Variants in MCMDC2 observed in about 807,000 individuals in gnomAD.
MCMDC2 encodes the protein minichromosome maintenance domain containing 2, also known as minichromosome maintenance domain-containing protein 2.
In MCMDC2, 54 loss-of-function variants were observed where a neutral mutation model predicts 75.8. The observed-to-expected ratio is 0.71, with a 90% CI of 0.57 to 0.89. The LOEUF is 0.89. Among genes scored for constraint, MCMDC2 ranks in the 40% least tolerant of loss-of-function variants. The pLI is 0.00. For missense variants in MCMDC2, 656 were observed against 780.4 expected, an observed-to-expected ratio of 0.84 and a Z score of 1.90; for synonymous variants, 249 against 274.6, an observed-to-expected ratio of 0.91 and a Z score of 0.92.
In MCMDC2 at chr8:66,891,222, CAG is replaced by C. The variant is rs1231326716; in HGVS notation, c.1279+154_1279+155del. ...TCTTATTTTGGTTTTATAAGCTAAA[CAG>C]AAATTTAATGTGCAAATGCCCAGTT... On this transcript the variant is annotated intron_variant, in intron 10 of 14. Coordinates refer to ENST00000422365, the MANE Select transcript of MCMDC2 (RefSeq NM_173518.5). The C allele has an allele frequency of 5.5e-6, 4 of 723,796 alleles. No individual in the cohort carries two copies. The Admixed American group carries it at 1.1e-4, about 20-fold the overall frequency. 44.8% of individuals were successfully genotyped at this position (723,796 alleles called of 1,614,324 possible).
downstream of MCMDC2, chr8:66,926,377 C>T (rs78142639): frequency 0.02 from 2,978 of 152,186 alleles, 97 homozygotes; most frequent in African/African-American, 0.067. Flanking sequence ...AATCTACTCA[C>T]TTAAAGATAG....
At chr8:66,897,069 T>C (rs1812389948) in intron 12 of MCMDC2, 110 bp downstream of exon 12, 1 of 1,048,802 alleles carries the variant, frequency 9.5e-7, no homozygotes, top group African/African-American at 1.7e-5. Context: ...TTTTATTCCA[T>C]CTTGGTTCCA....
In MCMDC2 at chr8:66,919,015, T is replaced by G. The variant is rs1376689809; in HGVS notation, c.1892T>G (p.Phe631Cys). ...CTTCTTCATTTAGGGGCCACTGTAT[T>G]TTGTGTTGCTCCGAATGCAGTATTT... ...SLTLKYGATV[F>C]CVAPNAVFPF... Residue 631 changes from phenylalanine to cysteine, a missense_variant, in exon 15 of 15, where the codon TTT becomes TGT. Coordinates refer to ENST00000422365, the MANE Select transcript of MCMDC2 (RefSeq NM_173518.5). 1.3e-6 allele frequency: 2 copies of G among 1,526,980 alleles called. No homozygotes were observed. Among genetic ancestry groups the G allele is most frequent in the South Asian group, 1.3e-5 (1 of 79,320 alleles). 94.6% of individuals were successfully genotyped at this position (1,526,980 alleles called of 1,614,324 possible).
chr8:66,901,706 A>AG (rs1812668584), intron 13 of MCMDC2: 1 of 862,204 alleles, frequency 1.2e-6, no homozygotes, highest in Admixed American at 5.9e-5. Flanking sequence ...CCGAGAGGGC[A>AG]GATTGCCTGA....
chr8:66,924,980 G>A (rs1223203355), downstream of MCMDC2, among the ~76,000 whole-genome samples: 1 of 152,158 alleles, frequency 6.6e-6, no homozygotes, highest in Non-Finnish European at 1.5e-5. Context: ...ACACCTAAGG[G>A]ATAATCACCT....
At chr8:66,881,568 C>G (rs926824536) in intron 8 of MCMDC2, among the ~76,000 whole-genome samples, 1 of 152,190 alleles carries the variant, frequency 6.6e-6, no homozygotes, top group African/African-American at 2.4e-5. Flanking sequence ...TGCCTGTAAT[C>G]CCAGCTACTT....
At chr8:66,924,356 G>GT (rs575287371), downstream of MCMDC2, among the ~76,000 whole-genome samples, 40 of 152,122 alleles carry the variant, frequency 2.6e-4, no homozygotes, top group East Asian at 6.6e-3. Context: ...GCCGGGCGCG[G>GT]TAACTCACGC....
downstream of MCMDC2, among the ~76,000 whole-genome samples, chr8:66,924,701 T>C (rs1813667494): frequency 6.6e-6 from 1 of 152,012 alleles, no homozygotes; most frequent in African/African-American, 2.4e-5. Flanking sequence ...GCTGACCGGT[T>C]TCTTCTGTAT....
In MCMDC2 at chr8:66,877,514, T is replaced by A; in HGVS notation, c.451T>A (p.Cys151Ser). 1 of 1,605,268 alleles carries A rather than the reference T, an allele frequency of 6.2e-7. No homozygotes were observed. The highest frequency in any genetic ancestry group is 8.5e-7 in the Non-Finnish European group (1 of 1,177,758). ...TKYTQGARFLCSDEACPLSKG... is the reference protein window; with the variant it reads ...TKYTQGARFLSSDEACPLSKG... ...GTATACACAAGGGGCAAGATTTCTT[T>A]GTTCAGATGAAGCATGCCCTCTTTC... Residue 151 changes from cysteine to serine, a missense_variant, in exon 5 of 15, where the codon TGT (cysteine) becomes AGT (serine). Physicochemically the swap from Cys to Ser is moderately radical, Grantham distance 112. Coordinates refer to ENST00000422365, the MANE Select transcript of MCMDC2 (RefSeq NM_173518.5).
intron 10 of MCMDC2, among the ~76,000 whole-genome samples, 196 bp from the exon 11 acceptor site, chr8:66,895,974 A>G (rs536234038): frequency 2.0e-5 from 3 of 152,296 alleles, no homozygotes; most frequent in Non-Finnish European, 4.4e-5. Flanking sequence ...TCATCAAGTC[A>G]TGGGACACAT....
Position 66,881,404 on chromosome 8 carries a change from C to G in MCMDC2, c.835+430C>G, listed in dbSNP as rs1293761732. ...AAGGAGAGCTCAATAAAGTAGCATC[C>G]TTGGCTGGGCGCTGTGGCTCACGCC... On this transcript the variant is annotated intron_variant, in intron 8 of 14. Coordinates refer to ENST00000422365, the MANE Select transcript of MCMDC2 (RefSeq NM_173518.5). Among the ~76,000 whole-genome samples the G allele has an allele frequency of 3.3e-5, 5 of 152,164 alleles. No individual in the cohort carries two copies. In the East Asian group the frequency reaches 9.6e-4, roughly 29 times the overall value.
In MCMDC2 at chr8:66,919,380, A is replaced by AACTT. The variant is rs1171582937; in HGVS notation, c.*213_*216dup. 5.7e-6 allele frequency: 2 copies of AACTT among 353,304 alleles called. No homozygotes were observed. Among genetic ancestry groups the AACTT allele is most frequent in the Non-Finnish European group, 1.0e-5 (2 of 198,612 alleles). 21.9% of individuals were successfully genotyped at this position (353,304 alleles called of 1,614,324 possible). Reference sequence around the variant, plus strand: ...ACCTCTAAAACCAACAGAATTTTAAAACTTAGAACAATGTGGACAATTTAA... The same window carrying AACTT: ...ACCTCTAAAACCAACAGAATTTTAAAACTTACTTAGAACAATGTGGACAATTTAA... On this transcript the variant is annotated 3_prime_UTR_variant, in exon 15 of 15. Transcript: ENST00000422365.
At position 66,880,849 on chromosome 8, in the gene MCMDC2, A is replaced by G; in HGVS notation, c.710A>G (p.Asp237Gly). ...RFQSLTIFLR[D>G]ESVNKMNIGN... is the part of the protein sequence containing the mutation. Reference sequence around the variant, plus strand: ...TTTCTTCTGTCTTTAATAATTTTAGATGAATCAGTGAATAAAATGAATATA... The same window carrying G: ...TTTCTTCTGTCTTTAATAATTTTAGGTGAATCAGTGAATAAAATGAATATA... The change falls in exon 8 of 15, where the codon GAT becomes GGT. Residue 237 changes from aspartate (D) to glycine (G), a missense_variant and splice_region_variant. By Grantham distance (94) the Asp-to-Gly change is moderately conservative. Transcript: ENST00000422365. 1 of 1,529,268 alleles carries G rather than the reference A, an allele frequency of 6.5e-7. No homozygotes were observed. 94.7% of individuals were successfully genotyped at this position (1,529,268 alleles called of 1,614,324 possible).
intron 1 of MCMDC2, among the ~76,000 whole-genome samples, chr8:66,872,434 A>G (rs1356560921): frequency 6.6e-6 from 1 of 152,234 alleles, no homozygotes; most frequent in Non-Finnish European, 1.5e-5. Flanking sequence ...TGACCCATAT[A>G]CAAGGATGAC....
Position 66,907,254 on chromosome 8 carries a change from G to T in MCMDC2, c.1879+1919G>T, listed in dbSNP as rs192966662. 1.2e-4 allele frequency among the ~76,000 whole-genome samples: 18 copies of T among 152,146 alleles called. No individual in the cohort carries two copies. The East Asian group carries it at 2.9e-3, about 25-fold the overall frequency. On this transcript the variant is annotated intron_variant, in intron 14 of 14. Transcript: ENST00000422365. ...CCGCCAACCCCCAACAGGCCTCAGT[G>T]TGTGATGTTCCCCTCCCTGTGTCCG...
At chr8:66,888,309 C>T (rs964042564) in intron 9 of MCMDC2, among the ~76,000 whole-genome samples, 4 of 152,160 alleles carry the variant, frequency 2.6e-5, no homozygotes, top group African/African-American at 9.7e-5. Context: ...CTTGCACTCT[C>T]AGGCTCAAGT....
At chr8:66,871,581 C>CG (rs1379726562) in intron 1 of MCMDC2, 5 of 152,138 alleles carry the variant, frequency 3.3e-5, no homozygotes, top group Admixed American at 3.3e-4. Flanking sequence ...TCCCGCTATT[C>CG]CAACCTACTT....
Position 66,879,543 on chromosome 8 carries a change from A to G in MCMDC2, c.709+624A>G, listed in dbSNP as rs146161227. ...GGGAGGCAGAGGCTGCAGTGAGCCA[A>G]TATCGTGCCACTGCACACAAGCCTG... is the stretch of plus-strand genomic sequence containing the variant. On this transcript the variant is annotated intron_variant, in intron 7 of 14. Coordinates refer to ENST00000422365, the MANE Select transcript of MCMDC2 (RefSeq NM_173518.5). Among the ~76,000 whole-genome samples, 52 of 152,200 alleles carry G rather than the reference A, an allele frequency of 3.4e-4. No homozygotes were observed. In the East Asian group the frequency reaches 3.7e-3, roughly 11 times the overall value.
At chr8:66,907,600 T>G (rs762891734) in intron 14 of MCMDC2, among the ~76,000 whole-genome samples, 22 of 152,230 alleles carry the variant, frequency 1.4e-4, no homozygotes, top group Non-Finnish European at 2.6e-4. Context: ...GTAATGGGAT[T>G]GCTGGGTCAA....
Sources: allele counts gnomAD v4.1 joint callset (sites outside exome capture counted in the v4.1 genomes callset), GRCh38; gene constraint gnomAD v4.1.1; transcripts MANE v1.5; gene names NCBI Gene and HGNC (gene_info 2026-07-23, HGNC 2026-07-21).